The following SANBR variants were observed in gnomAD, a reference collection of about 807,000 sequenced individuals.
SANBR encodes the protein SANT and BTB domain regulator of CSR.
In SANBR, 77 loss-of-function variants were observed where a neutral mutation model predicts 101.8. That is an observed-to-expected ratio of 0.76 (90% confidence interval 0.63 to 0.91). SANBR has a LOEUF of 0.91. Among genes scored for constraint, SANBR ranks in the 40% least tolerant of loss-of-function variants. The pLI, the probability that SANBR is intolerant of heterozygous loss-of-function variation, is 0.00. For synonymous variants in SANBR, 279 were observed against 274.7 expected, an observed-to-expected ratio of 1.02 and a Z score of -0.15; for missense variants, 875 against 853.0, an observed-to-expected ratio of 1.03 and a Z score of -0.32.
intron 1 of SANBR, among the ~76,000 whole-genome samples, chr2:61,067,738 T>TAACAAC (rs150082222): frequency 1.6e-4 from 24 of 151,784 alleles, no homozygotes; most frequent in South Asian, 4.2e-4. Flanking sequence ...CACTCCGTCT[T>TAACAAC]AACAACAACA....
intron 5 of SANBR, among the ~76,000 whole-genome samples, chr2:61,076,626 T>TAA (rs1236468990): frequency 2.5e-5 from 3 of 119,036 alleles, no homozygotes; most frequent in African/African-American, 6.3e-5. Context: ...AGACTCCGTC[T>TAA]AAAAAAAAAA....
intron 2 of SANBR, among the ~76,000 whole-genome samples, chr2:61,069,390 T>C (rs1163565315): frequency 6.6e-6 from 1 of 151,440 alleles, no homozygotes; most frequent in Admixed American, 6.6e-5. Context: ...TTCGATGACT[T>C]GCCTTGGCTA....
chr2:61,123,131 G>A lies in SANBR; in HGVS notation c.*969G>A, dbSNP rs1684398970. 1.0e-6 allele frequency: 1 copy of A among 979,300 alleles called. No individual in the cohort carries two copies. The highest frequency in any genetic ancestry group is 1.7e-5 in the African/African-American group (1 of 57,178). 60.7% of individuals were successfully genotyped at this position (979,300 alleles called of 1,614,324 possible). On this transcript the variant is annotated 3_prime_UTR_variant, in exon 22 of 22. Coordinates refer to ENST00000402291, the MANE Select transcript of SANBR (RefSeq NM_001129993.3). ...AATCATGTTTAAATTTTTCTAGCCA[G>A]GCAGAAAGAGTGCTCAGGGAAAATT...
rs1221219149 is a variant in SANBR, at chr2:61,122,483, AG to A, written c.*322del. ...AAAAGAAAGGCCTAAACTGTCAGGT[AG>A]CCAAGTTTTTTTAAGACCTTAAAAG... On this transcript the variant is annotated 3_prime_UTR_variant, in exon 22 of 22. Coordinates refer to ENST00000402291, the MANE Select transcript of SANBR (RefSeq NM_001129993.3). The A allele has an allele frequency of 4.8e-6, 5 of 1,052,484 alleles. No homozygotes were observed. Among genetic ancestry groups the A allele is most frequent in the Non-Finnish European group, 4.6e-6 (4 of 874,226 alleles). 65.2% of individuals were successfully genotyped at this position (1,052,484 alleles called of 1,614,324 possible). A position where few individuals can be genotyped will look rare whatever the true frequency, so the allele number is the denominator to read the frequency against.
At chr2:61,079,648 A>G (rs1262170743) in intron 6 of SANBR, among the ~76,000 whole-genome samples, 4 of 152,136 alleles carry the variant, frequency 2.6e-5, no homozygotes, top group Non-Finnish European at 4.4e-5. Context: ...TAGAGAGAGA[A>G]AAAAAATTAT....
At chr2:61,115,871 G>C (rs1351281650) in intron 16 of SANBR, 108 bp from the exon 17 acceptor site, 1 of 642,926 alleles carries the variant, frequency 1.6e-6, no homozygotes, top group Non-Finnish European at 2.6e-6. Flanking sequence ...TAATTTGTTA[G>C]TTTTCTTAAA....
rs115658331 is a variant in SANBR, at chr2:61,133,209, G to A, written c.2029-928G>A. On this transcript the variant is annotated intron_variant, in intron 20 of 21. Coordinates refer to the SANBR transcript ENST00000295031. ...GGAGGTTGCAGTGAGCTGAGAACAC[G>A]TTACTGCACTGCACTCCAGCCTGGG... Among the ~76,000 whole-genome samples, 17 of 152,066 alleles carry A rather than the reference G, an allele frequency of 1.1e-4. 1 individual carries two copies. The South Asian group carries it at 2.3e-3, about 20-fold the overall frequency.
At chr2:61,093,371 G>C (rs1308434885) in intron 11 of SANBR, 1 of 152,178 alleles carries the variant, frequency 6.6e-6, no homozygotes, top group Non-Finnish European at 1.5e-5. Flanking sequence ...TGAGGCAGGT[G>C]GATCACCTGA....
chr2:61,130,822 A>G (rs531072868), intron 20 of SANBR, among the ~76,000 whole-genome samples: 40 of 148,328 alleles, frequency 2.7e-4, no homozygotes, highest in African/African-American at 9.5e-4. Context: ...ATATGCTTGT[A>G]ATCCCAGCTA....
Position 61,116,077 on chromosome 2 carries a change from C to G in SANBR, c.1836+7C>G. The G allele has an allele frequency of 6.4e-7, 1 of 1,557,454 alleles. No homozygotes were observed. Among genetic ancestry groups the G allele is most frequent in the Non-Finnish European group, 8.8e-7 (1 of 1,140,792 alleles). ...AGAAAAGGCATTGGAGAAGGTAACT[C>G]TGAATTATCTGTTGTTAAAGTTCAT... On this transcript the variant is annotated splice_region_variant and intron_variant, in intron 17 of 21. Coordinates refer to ENST00000402291, the MANE Select transcript of SANBR (RefSeq NM_001129993.3).
intron 8 of SANBR, among the ~76,000 whole-genome samples, chr2:61,084,037 C>T (rs953094565): frequency 6.6e-6 from 1 of 152,074 alleles, no homozygotes; most frequent in Non-Finnish European, 1.5e-5. Flanking sequence ...CAGCCACAAC[C>T]TGTACCTTCA....
At chr2:61,114,558 A>G (rs557806305) in intron 16 of SANBR, among the ~76,000 whole-genome samples, 1 of 152,320 alleles carries the variant, frequency 6.6e-6, no homozygotes, top group Admixed American at 6.5e-5. Flanking sequence ...TTTATTTTAC[A>G]GTTTTTCCCA....
Position 61,122,289 on chromosome 2 carries a change from A to T in SANBR, c.*127A>T. ...ATGTTATTATTATTTTAATCCACAT[A>T]AATCATAATTCTAAAAGAAATGCAT... On this transcript the variant is annotated 3_prime_UTR_variant, in exon 22 of 22. Coordinates refer to ENST00000402291, the MANE Select transcript of SANBR (RefSeq NM_001129993.3). The T allele has an allele frequency of 7.6e-7, 1 of 1,321,576 alleles. No individual in the cohort carries two copies. The highest frequency in any genetic ancestry group is 9.9e-7 in the Non-Finnish European group (1 of 1,010,328). 81.9% of individuals were successfully genotyped at this position (1,321,576 alleles called of 1,614,324 possible).
At chr2:61,112,131 T>C (rs1216553100) in intron 16 of SANBR, among the ~76,000 whole-genome samples, 2 of 152,230 alleles carry the variant, frequency 1.3e-5, no homozygotes. Context: ...CCAAATTGTT[T>C]TGCAAAGTGG....
downstream of SANBR, among the ~76,000 whole-genome samples, chr2:61,124,445 A>G (rs530905898): frequency 7.2e-5 from 11 of 152,302 alleles, no homozygotes; most frequent in Admixed American, 6.5e-4. Flanking sequence ...TACGTCTGCA[A>G]TCCCAGCACT....
chr2:61,067,498 G>A (rs945159810), intron 1 of SANBR, among the ~76,000 whole-genome samples: 3 of 152,160 alleles, frequency 2.0e-5, no homozygotes, highest in African/African-American at 7.2e-5. Context: ...AGCACTTTGG[G>A]AGGCCGAGAC....
In SANBR at chr2:61,094,116, G is replaced by A. The variant is rs1682912788; in HGVS notation, c.1212+1529G>A. ...TAAGTTCCCACTCAATGGGTTCTGTGTTCCCACAATTTTAAAAAGGTTTGT... is the reference window on the plus strand; with the variant it reads ...TAAGTTCCCACTCAATGGGTTCTGTATTCCCACAATTTTAAAAAGGTTTGT... On this transcript the variant is annotated intron_variant, in intron 11 of 21. Transcript: ENST00000402291. 3.1e-6 allele frequency: 3 copies of A among 975,096 alleles called. No homozygotes were observed. In the South Asian group the frequency reaches 1.4e-4, roughly 46 times the overall value. The allele number at this position is 975,096 out of a possible 1,614,324, so 60.4% of individuals were successfully genotyped here. A position where few individuals can be genotyped will look rare whatever the true frequency, so the allele number is the denominator to read the frequency against.
intron 10 of SANBR, chr2:61,089,102 A>G (rs551535119): frequency 2.0e-6 from 2 of 982,312 alleles, no homozygotes; most frequent in African/African-American, 3.5e-5. Flanking sequence ...TACAAATGTT[A>G]TATTGAATTT....
chr2:61,118,154 A>G (rs1684166848), intron 20 of SANBR, 38 bp downstream of exon 20: 1 of 1,332,400 alleles, frequency 7.5e-7, no homozygotes, highest in Non-Finnish European at 1.1e-6. Context: ...CTTGTGTAAA[A>G]TATGCCTTCC....
Sources: allele counts gnomAD v4.1 joint callset (sites outside exome capture counted in the v4.1 genomes callset), GRCh38; gene constraint gnomAD v4.1.1; transcripts MANE v1.5; gene names NCBI Gene and HGNC (gene_info 2026-07-23, HGNC 2026-07-21).